Variants in CRK observed in about 807,000 individuals in gnomAD.
The protein encoded by CRK is CRK proto-oncogene, adaptor protein.
CRK carries 4 observed loss-of-function variants against 29.8 expected under a neutral mutation model. The observed-to-expected ratio is 0.13, with a 90% CI of 0.07 to 0.31. CRK has a LOEUF of 0.31. CRK is among the 10% of genes least tolerant of loss of function. The pLI, the probability that CRK is intolerant of heterozygous loss-of-function variation, is 1.00. For missense variants in CRK, 274 were observed against 396.5 expected (o/e 0.69, Z 2.62); for synonymous variants, 153 against 164.9 (o/e 0.93, Z 0.55).
At chr17:1,446,004 C>T (rs2073971730) in intron 1 of CRK, among the ~76,000 whole-genome samples, 1 of 152,196 alleles carries the variant, frequency 6.6e-6, no homozygotes, top group Non-Finnish European at 1.5e-5. Context: ...ACCTTGTGAT[C>T]TGCCTGCCTC....
intron 1 of CRK, among the ~76,000 whole-genome samples, chr17:1,444,545 C>T (rs914240003): frequency 7.6e-6 from 1 of 131,876 alleles, no homozygotes; most frequent in Admixed American, 8.5e-5. Context: ...ATAAAAAAAG[C>T]TGGGCGTGGT....
At chr17:1,434,964 G>C (rs76999852) in intron 2 of CRK, among the ~76,000 whole-genome samples, 10,622 of 152,208 alleles carry the variant, frequency 0.07, 449 homozygotes, top group East Asian at 0.099. Flanking sequence ...AATTAAGGCA[G>C]GCATGATTAA....
chr17:1,437,662 T>G (rs2073897485), intron 1 of CRK, among the ~76,000 whole-genome samples: 1 of 151,738 alleles, frequency 6.6e-6, no homozygotes, highest in Admixed American at 6.6e-5. Flanking sequence ...TTGCATGTTT[T>G]TTTTTTTTTG....
chr17:1,427,420 C>G (rs1460878525), intron 2 of CRK, among the ~76,000 whole-genome samples: 2 of 151,650 alleles, frequency 1.3e-5, no homozygotes, highest in Non-Finnish European at 2.9e-5. Flanking sequence ...GGTGAAACCC[C>G]GTCTCTACTA....
At chr17:1,430,957 G>A (rs1041083458) in intron 2 of CRK, among the ~76,000 whole-genome samples, 5 of 151,794 alleles carry the variant, frequency 3.3e-5, no homozygotes, top group East Asian at 3.9e-4. Context: ...AGTCCCAGCT[G>A]CTAGGGAGGC....
intron 1 of CRK, among the ~76,000 whole-genome samples, chr17:1,452,579 G>T (rs1248637832): frequency 6.6e-6 from 1 of 152,134 alleles, no homozygotes; most frequent in East Asian, 1.9e-4. Context: ...TCAGAGTTCA[G>T]CAGTTCGAGA....
Position 1,421,187 on chromosome 17 carries a change from G to A in CRK, c.*2326C>T, listed in dbSNP as rs966451492. On this transcript the variant is annotated 3_prime_UTR_variant, in exon 3 of 3. Transcript: ENST00000300574. ...GCCCAGTGGTTCATGAACGGCCCTG[G>A]ATCACTGATCACTGAGGAATCCTTA... 3 of 152,146 alleles carry A rather than the reference G, an allele frequency of 2.0e-5. No homozygotes were observed. The highest frequency in any genetic ancestry group is 4.4e-5 in the Non-Finnish European group (3 of 68,042). The allele number at this position is 152,146 out of a possible 1,614,324, so 9.4% of individuals were successfully genotyped here.
intron 2 of CRK, chr17:1,424,569 A>G (rs922228190): frequency 1.3e-5 from 2 of 152,322 alleles, no homozygotes; most frequent in Non-Finnish European, 2.9e-5. Flanking sequence ...TCCAGGTCCA[A>G]TTAGCTCCCA....
chr17:1,455,594 G>A lies in CRK; in HGVS notation c.241+283C>T, dbSNP rs61762265. ...CGTTGCCTTGCCCTGCCCTACCCTTGCGCCTGGCCCGGGAGCCAGCCCCAC... is the reference window on the plus strand; with the variant it reads ...CGTTGCCTTGCCCTGCCCTACCCTTACGCCTGGCCCGGGAGCCAGCCCCAC... On this transcript the variant is annotated intron_variant, in intron 1 of 2. Coordinates refer to ENST00000300574, the MANE Select transcript of CRK (RefSeq NM_016823.4). Among the ~76,000 whole-genome samples the A allele has an allele frequency of 3.5e-3, 537 of 152,084 alleles. 5 individuals are homozygous for A. Among genetic ancestry groups the A allele is most frequent in the African/African-American group, 0.012 (504 of 41,554 alleles).
At chr17:1,451,116 C>T (rs2074014072) in intron 1 of CRK, among the ~76,000 whole-genome samples, 1 of 131,478 alleles carries the variant, frequency 7.6e-6, no homozygotes, top group South Asian at 2.6e-4. Context: ...GGCATGAACC[C>T]CACGGGGCGG....
intron 1 of CRK, among the ~76,000 whole-genome samples, chr17:1,440,743 CA>C (rs969829463): frequency 1.3e-5 from 2 of 151,660 alleles, no homozygotes; most frequent in African/African-American, 4.8e-5. Flanking sequence ...AACAAACAAA[CA>C]AAAAAACCAT....
chr17:1,424,510 T>C (rs1401998556), intron 2 of CRK: 1 of 152,142 alleles, frequency 6.6e-6, no homozygotes, highest in Non-Finnish European at 1.5e-5. Flanking sequence ...TCCTATCACC[T>C]CCTGACCCAG....
At chr17:1,439,894 T>C (rs963682316) in intron 1 of CRK, among the ~76,000 whole-genome samples, 13 of 152,090 alleles carry the variant, frequency 8.5e-5, no homozygotes, top group African/African-American at 3.1e-4. Flanking sequence ...GCCTCACACC[T>C]GTAATCCTAG....
In CRK at chr17:1,455,805, G is replaced by C; in HGVS notation, c.241+72C>G. ...CGACCCCCGAGGGTCCGCTCTCGAGGACCAGCCAGCCAGGCTGGGAGTTCC... is the reference window on the plus strand; with the variant it reads ...CGACCCCCGAGGGTCCGCTCTCGAGCACCAGCCAGCCAGGCTGGGAGTTCC... On this transcript the variant is annotated intron_variant, in intron 1 of 2. Coordinates refer to ENST00000300574, the MANE Select transcript of CRK (RefSeq NM_016823.4). 4 of 1,411,768 alleles carry C rather than the reference G, an allele frequency of 2.8e-6. No individual in the cohort carries two copies. The Admixed American group carries it at 1.2e-4, about 43-fold the overall frequency. 87.5% of individuals were successfully genotyped at this position (1,411,768 alleles called of 1,614,324 possible).
chr17:1,446,872 C>T (rs948928152), intron 1 of CRK, among the ~76,000 whole-genome samples: 2 of 151,982 alleles, frequency 1.3e-5, no homozygotes, highest in Non-Finnish European at 2.9e-5. Context: ...GGATTACAGG[C>T]GTGAGCCACC....
intron 2 of CRK, among the ~76,000 whole-genome samples, chr17:1,429,627 T>TAAA (rs35227536): frequency 1.4e-5 from 2 of 146,668 alleles, no homozygotes; most frequent in Non-Finnish European, 3.0e-5. Context: ...CTGTCTCTCT[T>TAAA]AAAAAAAAAA....
At chr17:1,454,876 ACAGT>A (rs2074044383) in intron 1 of CRK, among the ~76,000 whole-genome samples, 1 of 152,204 alleles carries the variant, frequency 6.6e-6, no homozygotes, top group African/African-American at 2.4e-5. Flanking sequence ...CATCGGTAAG[ACAGT>A]CAATCTCAGG....
rs953637297 is a variant in CRK at position 1,421,429 on chromosome 17, A to C, written c.*2084T>G. 2.0e-5 allele frequency: 3 copies of C among 152,208 alleles called. No individual in the cohort carries two copies. The highest frequency in any genetic ancestry group is 1.3e-4 in the Admixed American group (2 of 15,258). The allele number at this position is 152,208 out of a possible 1,614,324, so 9.4% of individuals were successfully genotyped here. ...CTACGTTCTAACTGAAAATTTAACA[A>C]AGCAGTCAGATGGAATTACATGTAG... On this transcript the variant is annotated 3_prime_UTR_variant, in exon 3 of 3. Transcript: ENST00000300574.
chr17:1,437,192 ACT>A (rs1568014639), intron 1 of CRK, 37 bp from the exon 2 acceptor site: 1 of 1,529,250 alleles, frequency 6.5e-7, no homozygotes. Context: ...TTAATGATGT[ACT>A]ACACTGGAAA....
Sources: gnomAD v4.1 joint callset for allele counts (sites outside exome capture counted in the v4.1 genomes callset) on GRCh38, gnomAD v4.1.1 for gene constraint, MANE v1.5 for transcripts, NCBI Gene and HGNC (gene_info 2026-07-23, HGNC 2026-07-21) for gene names.